ALDH3A1: variants seen among roughly 807,000 people sequenced by gnomAD.
ALDH3A1 encodes the protein aldehyde dehydrogenase 3 family member A1.
A neutral mutation model predicts 49.9 loss-of-function variants in ALDH3A1; 46 were observed. The observed-to-expected ratio is 0.92, with a 90% CI of 0.73 to 1.18. The LOEUF (loss-of-function observed/expected upper bound fraction) is 1.18. Among genes scored for constraint, ALDH3A1 ranks in the 50% most tolerant of loss-of-function variants. ALDH3A1 has a pLI of 0.00. For synonymous variants in ALDH3A1, 269 were observed against 253.3 expected (o/e 1.06, Z -0.59); for missense variants, 592 against 611.8 (o/e 0.97, Z 0.34).
chr17:19,740,200 G>A, intron 7 of ALDH3A1, 136 bp downstream of exon 7: 2 of 1,197,182 alleles, frequency 1.7e-6, no homozygotes, highest in South Asian at 1.5e-5. Flanking sequence ...GTCTACCGCA[G>A]GCTCCCTGGT....
At chr17:19,738,599 C>T in intron 9 of ALDH3A1, 146 bp from the exon 10 acceptor site, 3 of 1,246,754 alleles carry the variant, frequency 2.4e-6, no homozygotes, top group Non-Finnish European at 3.3e-6. Flanking sequence ...CCCTCAAATC[C>T]TATGGCCCTC....
At chr17:19,744,895 T>A in intron 2 of ALDH3A1, 73 bp downstream of exon 2, 9 of 924,162 alleles carry the variant, frequency 9.7e-6, no homozygotes, top group Non-Finnish European at 1.3e-5. Context: ...GGTCGCACTC[T>A]CCCCAGCCCC....
chr17:19,740,026 G>C (rs72841925), intron 7 of ALDH3A1: 7,238 of 458,294 alleles, frequency 0.016, 87 homozygotes, highest in Middle Eastern at 0.02. Flanking sequence ...TGGGCACTGG[G>C]GGCCCCTCAC....
intron 7 of ALDH3A1, 59 bp from the exon 8 acceptor site, chr17:19,739,733 T>G: frequency 6.3e-7 from 1 of 1,580,708 alleles, no homozygotes; most frequent in Non-Finnish European, 8.6e-7. Context: ...GGATGGAAAG[T>G]GCAAGCACCT....
chr17:19,739,311 G>T (rs1218127326), intron 8 of ALDH3A1, among the ~76,000 whole-genome samples, 197 bp downstream of exon 8: 1 of 152,240 alleles, frequency 6.6e-6, no homozygotes, highest in Non-Finnish European at 1.5e-5. Context: ...TGTGTGCAGG[G>T]CCCTGGGCAA....
intron 2 of ALDH3A1, 66 bp downstream of exon 2, chr17:19,744,902 C>A: frequency 1.9e-5 from 8 of 412,014 alleles, no homozygotes; most frequent in South Asian, 7.0e-5. Flanking sequence ...CTCTCCCCAG[C>A]CCCTCCCCCC....
At chr17:19,738,297 C>G (rs1450384353) in intron 10 of ALDH3A1, 26 bp downstream of exon 10, 4 of 1,613,784 alleles carry the variant, frequency 2.5e-6, no homozygotes, top group Non-Finnish European at 1.7e-6. Flanking sequence ...AGCCCGGTCT[C>G]CCCCACAGCG....
chr17:19,743,988 G>A lies in ALDH3A1; in HGVS notation c.163-525C>T, dbSNP rs2086552484. 1.0e-6 allele frequency: 1 copy of A among 985,328 alleles called. No homozygotes were observed. Among genetic ancestry groups the A allele is most frequent in the Non-Finnish European group, 1.2e-6 (1 of 829,880 alleles). The allele number at this position is 985,328 out of a possible 1,614,324, so 61.0% of individuals were successfully genotyped here. A position where few individuals can be genotyped will look rare whatever the true frequency, so the allele number is the denominator to read the frequency against. The stretch of plus-strand genomic sequence containing the variant: ...AGAGGAGATGCAGACGGCGGAAAAC[G>A]CGTCTCTTTTATAAACTTGGGCTGT... On this transcript the variant is annotated intron_variant, in intron 2 of 10. Coordinates refer to ENST00000225740, the MANE Select transcript of ALDH3A1 (RefSeq NM_000691.5). This position sits in a 1 kb window ranked among gnomAD's most constrained non-coding sequence, Gnocchi z 4.4.
rs774092621 is a variant in ALDH3A1, at chr17:19,742,038, C to T, written c.655G>A (p.Val219Met). 22 of 1,613,824 alleles carry T rather than the reference C, an allele frequency of 1.4e-5. No homozygotes were observed. The highest frequency in any genetic ancestry group is 3.3e-5 in the South Asian group (3 of 91,090). ...ACGTCCAGGTCACAGTTCTTGTCCA[C>T]GTAGCAGGGACTCTTCCCTCCCAGC... Reference protein sequence around the residue: ...LELGGKSPCYVDKNCDLDVAC... With the variant: ...LELGGKSPCYMDKNCDLDVAC... Residue 219 changes from valine (V) to methionine (M), a missense_variant, in exon 5 of 11, where the codon GTG becomes ATG. Transcript: ENST00000225740.
chr17:19,744,578 C>G (rs1452296822), intron 2 of ALDH3A1: 1 of 985,392 alleles, frequency 1.0e-6, no homozygotes, highest in Non-Finnish European at 1.2e-6. Flanking sequence ...CCTGTGAGAA[C>G]TGGGAGGGAG....
Position 19,743,330 on chromosome 17 carries a change from T to C in ALDH3A1, c.296A>G (p.Tyr99Cys). The C allele has an allele frequency of 1.2e-6, 2 of 1,614,200 alleles. No homozygotes were observed. Among genetic ancestry groups the C allele is most frequent in the African/African-American group, 1.3e-5 (1 of 75,068 alleles). The stretch of plus-strand genomic sequence containing the variant: ...CACGCCCAGTGGCTCCGAGTGGATG[T>C]AGAGCTCGTCCTGCTGAGTCTGGGG... ...KTPQTQQDEL[Y>C]IHSEPLGVVL... Residue 99 changes from tyrosine to cysteine, a missense_variant, in exon 3 of 11, where the codon TAC (tyrosine) becomes TGC (cysteine). Tyr to Cys is a radical substitution (Grantham distance 194). Coordinates refer to ENST00000225740, the MANE Select transcript of ALDH3A1 (RefSeq NM_000691.5). The surrounding 1 kb of genome is among the most constrained non-coding windows in gnomAD (Gnocchi z 4.4).
In ALDH3A1 at chr17:19,745,077, C is replaced by G; in HGVS notation, c.53G>C (p.Gly18Ala). The G allele has an allele frequency of 6.3e-7, 1 of 1,593,856 alleles. No homozygotes were observed. Among genetic ancestry groups the G allele is most frequent in the Admixed American group, 1.7e-5 (1 of 59,738 alleles). ...CCGGAACTGCAGCGGACGGGTCCTG[C>G]CCGAGCTGAAGGCGGCGCGGGCGCG... The part of the protein sequence containing the change: ...VKRARAAFSS[G>A]RTRPLQFRIQ... The change falls in exon 2 of 11, where the codon GGC becomes GCC. Residue 18 changes from glycine (G) to alanine (A), a missense_variant. By Grantham distance (60) the Gly-to-Ala change is moderately conservative (BLOSUM62 0). Coordinates refer to ENST00000225740, the MANE Select transcript of ALDH3A1 (RefSeq NM_000691.5).
Position 19,743,629 on chromosome 17 carries a change from C to T in ALDH3A1, c.163-166G>A, listed in dbSNP as rs992964677. 3.9e-5 allele frequency: 56 copies of T among 1,422,184 alleles called. No individual in the cohort carries two copies. Among genetic ancestry groups the T allele is most frequent in the Non-Finnish European group, 4.5e-5 (49 of 1,092,818 alleles). The allele number at this position is 1,422,184 out of a possible 1,614,324, so 88.1% of individuals were successfully genotyped here. A position where few individuals can be genotyped will look rare whatever the true frequency, so the allele number is the denominator to read the frequency against. ...CAGGGGAAGCAGAGCCAGGATTAGC[C>T]GTTGGACCTGTGGGTCTGAGAGGAC... On this transcript the variant is annotated intron_variant, in intron 2 of 10. Coordinates refer to ENST00000225740, the MANE Select transcript of ALDH3A1 (RefSeq NM_000691.5). The surrounding 1 kb of genome is among the most constrained non-coding windows in gnomAD (Gnocchi z 4.4).
Position 19,739,517 on chromosome 17 carries a change from G to A in ALDH3A1, c.1107C>T (p.Ser369=), listed in dbSNP as rs767315128. The A allele has an allele frequency of 2.5e-6, 4 of 1,610,194 alleles. No individual in the cohort carries two copies. The highest frequency in any genetic ancestry group is 3.4e-6 in the Non-Finnish European group (4 of 1,178,724). Residue 369 remains serine, a synonymous_variant, in exon 8 of 11, where the codon AGC becomes AGT. Transcript: ENST00000225740. The part of the protein sequence containing the change: ...EKPLALYMFS[S]NDKVIKKMIA... ...CAGGCCCACCACCCACCTTGTCGTT[G>A]CTGGAGAACATGTAGAGGGCCAGGG...
intron 9 of ALDH3A1, 180 bp from the exon 10 acceptor site, chr17:19,738,633 C>A: frequency 5.2e-6 from 5 of 953,018 alleles, no homozygotes; most frequent in Non-Finnish European, 7.6e-6. Context: ...AGGTTGTGGC[C>A]CTTTTCTGGG....
Position 19,740,323 on chromosome 17 carries a change from AG to A in ALDH3A1, c.949+12del. 6.2e-7 allele frequency: 1 copy of A among 1,613,234 alleles called. No homozygotes were observed. Among genetic ancestry groups the A allele is most frequent in the Non-Finnish European group, 8.5e-7 (1 of 1,179,762 alleles). Reference sequence around the variant, plus strand: ...CCTGGGCAGGTGGGCTGTGCTCTTCAGGGGTCACGCACCTATGTAGCGAGTG... The same window carrying A: ...CCTGGGCAGGTGGGCTGTGCTCTTCAGGGTCACGCACCTATGTAGCGAGTG... On this transcript the variant is annotated intron_variant, in intron 7 of 10. Coordinates refer to ENST00000225740, the MANE Select transcript of ALDH3A1 (RefSeq NM_000691.5).
intron 5 of ALDH3A1, among the ~76,000 whole-genome samples, chr17:19,741,796 C>A (rs1490568465): frequency 1.3e-5 from 2 of 152,146 alleles, no homozygotes; most frequent in African/African-American, 4.8e-5. Flanking sequence ...GACCTCTCCC[C>A]CTCCAGGAAG....
At chr17:19,746,660 TGTGTGTGCGTGTGTGTGCATGTGC>T (rs2086601990) in intron 1 of ALDH3A1, among the ~76,000 whole-genome samples, 1 of 146,868 alleles carries the variant, frequency 6.8e-6, no homozygotes, top group Admixed American at 6.7e-5. Context: ...TGTGCATGTG[TGTGTGTGCGTGTGTGTGCATGTGC>T]GTGTGTGTGT....
At chr17:19,744,917 C>CCCCCCCCCCCA in intron 2 of ALDH3A1, 51 bp downstream of exon 2, 1 of 1,360,562 alleles carries the variant, frequency 7.3e-7, no homozygotes, top group East Asian at 3.4e-5. Flanking sequence ...CCCCCCACGC[C>CCCCCCCCCCCA]CCATCGCATG....
Sources: gnomAD v4.1 joint callset for allele counts (sites outside exome capture counted in the v4.1 genomes callset) on GRCh38, gnomAD v4.1.1 for gene constraint, Gnocchi (gnomAD v3.1) non-coding constraint, MANE v1.5 for transcripts, NCBI Gene and HGNC (gene_info 2026-07-23, HGNC 2026-07-21) for gene names.